The following LARP1 variants were observed in gnomAD, a reference collection of about 807,000 sequenced individuals.
The protein encoded by LARP1 is La ribonucleoprotein 1, translational regulator.
LARP1 carries 36 observed loss-of-function variants against 122.7 expected under a neutral mutation model. That is an observed-to-expected ratio of 0.29 (90% CI 0.22 to 0.39). The LOEUF (loss-of-function observed/expected upper bound fraction) is 0.39, where lower values mean the gene tolerates loss of function less well. Among genes scored for constraint, LARP1 ranks in the 10% least tolerant of loss-of-function variants. The pLI is 1.00. For synonymous variants in LARP1, 539 were observed against 528.7 expected (o/e 1.02, Z -0.27); for missense variants, 1,040 against 1,403.6 (o/e 0.74, Z 4.14).
At chr5:154,728,457 C>T (rs549131592) in intron 1 of LARP1, among the ~76,000 whole-genome samples, 1 of 152,114 alleles carries the variant, frequency 6.6e-6, no homozygotes, top group Non-Finnish European at 1.5e-5. Context: ...GGCATCTGAG[C>T]CTTGGTCTTC....
chr5:154,763,073 C>CT (rs1754602424), intron 1 of LARP1, among the ~76,000 whole-genome samples: 2 of 78,240 alleles, frequency 2.6e-5, no homozygotes, highest in Non-Finnish European at 2.7e-5. Flanking sequence ...TTTTTTTTTT[C>CT]TTTTTTTGAG....
chr5:154,725,860 AGTT>A (rs755669317), intron 1 of LARP1, among the ~76,000 whole-genome samples: 4,683 of 151,434 alleles, frequency 0.031, 110 homozygotes, highest in Non-Finnish European at 0.045. Flanking sequence ...TTTTTTTTTG[AGTT>A]GAAGTCTCGC....
intron 1 of LARP1, among the ~76,000 whole-genome samples, chr5:154,786,168 GAGTAGC>G (rs1756864001): frequency 1.3e-5 from 2 of 152,038 alleles, no homozygotes; most frequent in East Asian, 3.9e-4. Context: ...TCAGCCTCCT[GAGTAGC>G]TGGGAATACA....
chr5:154,742,860 C>T (rs1361941173), intron 1 of LARP1, among the ~76,000 whole-genome samples: 1 of 152,002 alleles, frequency 6.6e-6, no homozygotes, highest in Non-Finnish European at 1.5e-5. Context: ...TTTTCTTGGT[C>T]TCCTAGGAAG....
At chr5:154,785,796 C>T (rs1756832293) in intron 1 of LARP1, among the ~76,000 whole-genome samples, 1 of 152,170 alleles carries the variant, frequency 6.6e-6, no homozygotes, top group African/African-American at 2.4e-5. Context: ...ATCCCTATTC[C>T]AACCATCCCA....
chr5:154,697,202 C>CTTTTTTT (rs11399407), intron 1 of LARP1, among the ~76,000 whole-genome samples: 6 of 141,570 alleles, frequency 4.2e-5, no homozygotes, highest in South Asian at 2.2e-4. Context: ...AGCTTTTTAT[C>CTTTTTTT]TTTTTTTTTT....
intron 1 of LARP1, among the ~76,000 whole-genome samples, chr5:154,762,588 G>A (rs1419191653): frequency 6.6e-6 from 1 of 152,146 alleles, no homozygotes; most frequent in African/African-American, 2.4e-5. Context: ...GGGAGGGGAG[G>A]ATTGTGGGTC....
Position 154,817,032 on chromosome 5 carries a change from TC to T in LARP1, c.*2940del, listed in dbSNP as rs200933898. ...CATTGTAGCTCTTTTTTTTTTTTTT[TC>T]CCCTTTCCTGGTGATTGATTTTACA... On this transcript the variant is annotated 3_prime_UTR_variant, in exon 19 of 19. Coordinates refer to ENST00000518297, the MANE Select transcript of LARP1 (RefSeq NM_033551.3). The T allele has an allele frequency of 0.093, 13,629 of 146,710 alleles. 693 individuals are homozygous for T. The highest frequency in any genetic ancestry group is 0.15 in the Admixed American group (2,179 of 14,860). The allele number at this position is 146,710 out of a possible 1,614,324, so 9.1% of individuals were successfully genotyped here.
intron 1 of LARP1, among the ~76,000 whole-genome samples, chr5:154,700,482 T>C (rs1754659272): frequency 6.6e-6 from 1 of 151,522 alleles, no homozygotes; most frequent in Non-Finnish European, 1.5e-5. Flanking sequence ...CAGTGAGCCA[T>C]GATCGTGCTA....
chr5:154,771,917 G>A (rs1292966303), intron 1 of LARP1, among the ~76,000 whole-genome samples: 1 of 152,208 alleles, frequency 6.6e-6, no homozygotes, highest in African/African-American at 2.4e-5. Flanking sequence ...TACCAAAGAG[G>A]ACGGAAAATA....
chr5:154,756,844 C>T (rs1328242165), intron 1 of LARP1, among the ~76,000 whole-genome samples: 1 of 152,090 alleles, frequency 6.6e-6, no homozygotes, highest in African/African-American at 2.4e-5. Flanking sequence ...TCCCGGGCAC[C>T]TTCCGCCTTA....
chr5:154,808,381 A>C (rs1758968799), intron 15 of LARP1, 78 bp from the exon 16 acceptor site: 1 of 1,527,044 alleles, frequency 6.5e-7, no homozygotes, highest in Non-Finnish European at 8.8e-7. Context: ...ACCAAGTCTT[A>C]AGTTCCAGGA....
chr5:154,753,031 G>A (rs1440531379), upstream of LARP1, among the ~76,000 whole-genome samples: 1 of 152,044 alleles, frequency 6.6e-6, no homozygotes, highest in Non-Finnish European at 1.5e-5. Context: ...GCAGATCTCA[G>A]TACCCCTCCA....
intron 13 of LARP1, 47 bp from the exon 14 acceptor site, chr5:154,804,154 A>G (rs752865360): frequency 1.0e-5 from 14 of 1,378,892 alleles, no homozygotes; most frequent in Non-Finnish European, 1.4e-5. Flanking sequence ...TGCTCCTCAG[A>G]GTTGTAGGAG....
At chr5:154,752,936 A>G (rs938846233), upstream of LARP1, among the ~76,000 whole-genome samples, 1 of 151,952 alleles carries the variant, frequency 6.6e-6, no homozygotes, top group African/African-American at 2.4e-5. Context: ...AAGAGTCAAA[A>G]AAAAAAAGAT....
chr5:154,700,647 A>G (rs556051210), intron 1 of LARP1, among the ~76,000 whole-genome samples: 2 of 152,132 alleles, frequency 1.3e-5, no homozygotes, highest in Non-Finnish European at 2.9e-5. Flanking sequence ...TGTTTGAGAC[A>G]GGGTCTCGCT....
At chr5:154,765,292 G>C (rs919378764) in intron 1 of LARP1, among the ~76,000 whole-genome samples, 2 of 152,176 alleles carry the variant, frequency 1.3e-5, no homozygotes, top group African/African-American at 4.8e-5. Context: ...TGGTGGAAAT[G>C]CCTTCCCAGA....
At chr5:154,710,090 G>C (rs1755142486), upstream of LARP1, among the ~76,000 whole-genome samples, 1 of 152,156 alleles carries the variant, frequency 6.6e-6, no homozygotes, top group African/African-American at 2.4e-5. Context: ...GGTAATGCAA[G>C]TGATGGGGAG....
At chr5:154,797,786 T>C (rs1758008879) in intron 8 of LARP1, among the ~76,000 whole-genome samples, 1 of 150,752 alleles carries the variant, frequency 6.6e-6, no homozygotes, top group East Asian at 2.0e-4. Flanking sequence ...CCGCCTGAAA[T>C]CAGGCAATCC....
Sources: allele counts gnomAD v4.1 joint callset (sites outside exome capture counted in the v4.1 genomes callset), GRCh38; gene constraint gnomAD v4.1.1; transcripts MANE v1.5; gene names NCBI Gene and HGNC (gene_info 2026-07-23, HGNC 2026-07-21).